CDH18: variants seen among roughly 807,000 people sequenced by gnomAD.
CDH18 encodes the protein cadherin-18.
Under a neutral mutation model 67.9 loss-of-function variants are expected in CDH18, and 31 were observed. That is an observed-to-expected ratio of 0.46 (90% confidence interval 0.34 to 0.62). The LOEUF (loss-of-function observed/expected upper bound fraction) is 0.62, where lower values mean the gene tolerates loss of function less well. CDH18 is among the 20% of genes least tolerant of loss of function. The probability of loss-of-function intolerance (pLI) is 0.01; values close to 1 mark genes in which losing one functional copy is unlikely to be tolerated. For synonymous variants in CDH18, 362 were observed against 347.2 expected, an observed-to-expected ratio of 1.04 and a Z score of -0.48; for missense variants, 890 against 975.5, an observed-to-expected ratio of 0.91 and a Z score of 1.17.
At chr5:20,068,023 T>C (rs1743134121) in intron 2 of CDH18, among the ~76,000 whole-genome samples, 1 of 152,062 alleles carries the variant, frequency 6.6e-6, no homozygotes, top group African/African-American at 2.4e-5. Flanking sequence ...GTTTATCTCG[T>C]TTACCTTTTA....
intron 1 of CDH18, among the ~76,000 whole-genome samples, chr5:20,347,012 G>T (rs1297540349): frequency 1.3e-5 from 2 of 152,090 alleles, no homozygotes; most frequent in Non-Finnish European, 2.9e-5. Flanking sequence ...TAACTCCTAA[G>T]GAGAGGTTGA....
chr5:19,705,886 C>T (rs1247249366), intron 5 of CDH18, among the ~76,000 whole-genome samples: 1 of 152,154 alleles, frequency 6.6e-6, no homozygotes, highest in Non-Finnish European at 1.5e-5. Flanking sequence ...GAAACTGTTT[C>T]AATTTTTGAA....
At chr5:20,351,956 C>G (rs1340928782) in intron 1 of CDH18, among the ~76,000 whole-genome samples, 1 of 152,068 alleles carries the variant, frequency 6.6e-6, no homozygotes, top group Non-Finnish European at 1.5e-5. Context: ...TAAGAAAGCC[C>G]CTCACCTCTT....
intron 5 of CDH18, among the ~76,000 whole-genome samples, chr5:19,698,127 A>C (rs1174306173): frequency 6.6e-6 from 1 of 152,212 alleles, no homozygotes; most frequent in East Asian, 1.9e-4. Flanking sequence ...AAAGATCTGC[A>C]TCATATGGCA....
At chr5:20,328,438 C>T (rs958795718) in intron 1 of CDH18, among the ~76,000 whole-genome samples, 2 of 149,212 alleles carry the variant, frequency 1.3e-5, no homozygotes, top group African/African-American at 2.5e-5. Context: ...ATGAAAGAAT[C>T]GGGTTGTGCT....
chr5:20,566,578 T>C (rs1377724618), intron 1 of CDH18, among the ~76,000 whole-genome samples: 3 of 145,164 alleles, frequency 2.1e-5, no homozygotes, highest in Non-Finnish European at 3.0e-5. Context: ...GGTTTCACCA[T>C]GTTGGCCGAG....
intron 1 of CDH18, among the ~76,000 whole-genome samples, chr5:20,515,364 G>A (rs906552944): frequency 1.3e-4 from 20 of 150,208 alleles, no homozygotes; most frequent in African/African-American, 4.1e-4. Flanking sequence ...TTCCCTGTAC[G>A]CTACAAAAAA....
intron 10 of CDH18, among the ~76,000 whole-genome samples, chr5:19,513,918 A>G (rs1745514993): frequency 6.6e-6 from 1 of 152,028 alleles, no homozygotes. Flanking sequence ...ACATATGTAT[A>G]CCTGTGCCAT....
chr5:19,567,709 C>T (rs1475847462), intron 8 of CDH18, among the ~76,000 whole-genome samples: 1 of 152,086 alleles, frequency 6.6e-6, no homozygotes, highest in Non-Finnish European at 1.5e-5. Flanking sequence ...TATTTTAAGG[C>T]AGCTTTAGCA....
chr5:20,231,413 C>G (rs1278907099), intron 2 of CDH18, among the ~76,000 whole-genome samples: 2 of 151,770 alleles, frequency 1.3e-5, no homozygotes, highest in Non-Finnish European at 1.5e-5. Context: ...AGTTCGAGAC[C>G]AACATGGTGA....
intron 2 of CDH18, among the ~76,000 whole-genome samples, chr5:20,115,139 C>A (rs1056037663): frequency 1.3e-5 from 2 of 151,898 alleles, no homozygotes; most frequent in African/African-American, 4.8e-5. Flanking sequence ...TGGTGAGGAT[C>A]CACTTTCTGG....
chr5:19,825,215 G>A (rs1780280097), intron 3 of CDH18, among the ~76,000 whole-genome samples: 1 of 152,138 alleles, frequency 6.6e-6, no homozygotes, highest in African/African-American at 2.4e-5. Flanking sequence ...CCAGATGGCA[G>A]GGTGGGTGAC....
chr5:19,649,309 C>A (rs1298325385), intron 5 of CDH18, among the ~76,000 whole-genome samples: 1 of 152,090 alleles, frequency 6.6e-6, no homozygotes, highest in Non-Finnish European at 1.5e-5. Context: ...ATCTTACATA[C>A]TCCCCTTTAA....
chr5:19,870,094 G>A (rs1431752658), intron 2 of CDH18, among the ~76,000 whole-genome samples: 6 of 152,008 alleles, frequency 3.9e-5, no homozygotes, highest in South Asian at 2.1e-4. Context: ...ACAAAAATAC[G>A]CCTTAGACAA....
chr5:20,222,651 T>C lies in CDH18; in HGVS notation c.-518+32793A>G, dbSNP rs549307668. Among the ~76,000 whole-genome samples, 39 of 152,180 alleles carry C rather than the reference T, an allele frequency of 2.6e-4. No individual in the cohort carries two copies. The East Asian group carries it at 7.2e-3, about 28-fold the overall frequency. ...ATTCTTGAGCTAAGATTTAACTTAT[T>C]TCAGTTTCCAAGAATTACAACAGCC... On this transcript the variant is annotated intron_variant, in intron 2 of 14. Coordinates refer to the CDH18 transcript ENST00000507958.
At chr5:20,363,260 G>A (rs1323571066) in intron 1 of CDH18, among the ~76,000 whole-genome samples, 1 of 151,862 alleles carries the variant, frequency 6.6e-6, no homozygotes, top group Non-Finnish European at 1.5e-5. Flanking sequence ...CAAGGAGGGT[G>A]AATCCCCTGA....
intron 2 of CDH18, among the ~76,000 whole-genome samples, chr5:20,058,205 A>G (rs1742162379): frequency 6.6e-6 from 1 of 152,160 alleles, no homozygotes; most frequent in African/African-American, 2.4e-5. Context: ...CTAGAATTGT[A>G]TTAGAACTAT....
chr5:19,679,029 C>T (rs1004093247), intron 5 of CDH18, among the ~76,000 whole-genome samples: 1 of 151,942 alleles, frequency 6.6e-6, no homozygotes, highest in Non-Finnish European at 1.5e-5. Context: ...CCTTGATGAA[C>T]ATAAATGTAA....
intron 2 of CDH18, among the ~76,000 whole-genome samples, chr5:19,908,002 T>C (rs1170453334): frequency 6.6e-6 from 1 of 152,110 alleles, no homozygotes; most frequent in East Asian, 1.9e-4. Flanking sequence ...TTCTAACTAA[T>C]GTATAATTTC....
Sources: allele counts gnomAD v4.1 joint callset (sites outside exome capture counted in the v4.1 genomes callset), GRCh38; gene constraint gnomAD v4.1.1; transcripts MANE v1.5; gene names NCBI Gene and HGNC (gene_info 2026-07-23, HGNC 2026-07-21).